The following ZFP91 variants were observed in gnomAD, a reference collection of about 807,000 sequenced individuals.
ZFP91 encodes the protein E3 ubiquitin-protein ligase ZFP91.
ZFP91 carries 7 observed loss-of-function variants against 63.5 expected under a neutral mutation model. That is an observed-to-expected ratio of 0.11 (90% CI 0.06 to 0.21). The LOEUF (loss-of-function observed/expected upper bound fraction) is 0.21. Among genes scored for constraint, ZFP91 ranks in the 10% least tolerant of loss-of-function variants. The pLI, the probability that ZFP91 is intolerant of heterozygous loss-of-function variation, is 1.00. For missense variants in ZFP91, 628 were observed against 736.6 expected (o/e 0.85, Z 1.71); for synonymous variants, 330 against 272.1 (o/e 1.21, Z -2.10).
chr11:58,582,861 A>G (rs1219567517), intron 1 of ZFP91, among the ~76,000 whole-genome samples: 2 of 152,166 alleles, frequency 1.3e-5, no homozygotes, highest in African/African-American at 2.4e-5. Context: ...AAGGGGAAAT[A>G]AAAATTTTTC....
intron 1 of ZFP91, among the ~76,000 whole-genome samples, chr11:58,582,337 G>T (rs1390800884): frequency 6.6e-6 from 1 of 152,090 alleles, no homozygotes; most frequent in Non-Finnish European, 1.5e-5. Context: ...CCCTGGTCTG[G>T]TATCTTTGAC....
At position 58,579,358 on chromosome 11, in the gene ZFP91, C is replaced by A; in HGVS notation, c.77C>A (p.Pro26Gln). The change falls in exon 1 of 11, where the codon CCG becomes CAG. Residue 26 changes from proline to glutamine, a missense_variant. Pro to Gln is a moderately conservative substitution (Grantham distance 76, BLOSUM62 -1). Transcript: ENST00000316059. ...GGGGGAGAGGCGGCCAAGGCGGCTC[C>A]GGAGGAGCCCCAACAACGGCCCCCT... ...QEGGEAAKAA[P>Q]EEPQQRPPEA... 1.3e-6 allele frequency: 2 copies of A among 1,492,588 alleles called. No individual in the cohort carries two copies. Among genetic ancestry groups the A allele is most frequent in the East Asian group, 2.9e-5 (1 of 34,494 alleles). The allele number at this position is 1,492,588 out of a possible 1,614,324, so 92.5% of individuals were successfully genotyped here. A position where few individuals can be genotyped will look rare whatever the true frequency, so the allele number is the denominator to read the frequency against.
At chr11:58,603,565 A>T (rs997776629) in intron 2 of ZFP91, among the ~76,000 whole-genome samples, 1 of 152,228 alleles carries the variant, frequency 6.6e-6, no homozygotes, top group African/African-American at 2.4e-5. Flanking sequence ...CAGCAGAAAC[A>T]CTGCCAGGCT....
intron 2 of ZFP91, among the ~76,000 whole-genome samples, chr11:58,600,888 CTTTT>C (rs1428235581): frequency 6.6e-6 from 1 of 152,114 alleles, no homozygotes; most frequent in African/African-American, 2.4e-5. Flanking sequence ...GGTTCTTTTT[CTTTT>C]TTCTACATCA....
At chr11:58,581,192 A>C (rs905129329) in intron 1 of ZFP91, among the ~76,000 whole-genome samples, 34 of 152,108 alleles carry the variant, frequency 2.2e-4, no homozygotes, top group South Asian at 2.1e-4. Flanking sequence ...GAGGTTTTTC[A>C]TATAAATTAT....
intron 2 of ZFP91, among the ~76,000 whole-genome samples, chr11:58,597,818 A>C (rs77592152): frequency 1.3e-5 from 2 of 152,114 alleles, no homozygotes; most frequent in Admixed American, 1.3e-4. Context: ...ACACACCTCA[A>C]CCTTCTATGC....
At chr11:58,581,133 T>C (rs1855107513) in intron 1 of ZFP91, among the ~76,000 whole-genome samples, 1 of 152,200 alleles carries the variant, frequency 6.6e-6, no homozygotes, top group Non-Finnish European at 1.5e-5. Flanking sequence ...AAGTACAAGT[T>C]GCGTTTTTCA....
At chr11:58,595,606 C>G (rs545661353) in intron 2 of ZFP91, among the ~76,000 whole-genome samples, 4 of 145,006 alleles carry the variant, frequency 2.8e-5, no homozygotes, top group Admixed American at 2.1e-4. Context: ...GAGACGGGGT[C>G]GTACTTTGTT....
intron 9 of ZFP91, among the ~76,000 whole-genome samples, chr11:58,615,130 GTAT>G (rs1336125748): frequency 2.0e-5 from 3 of 152,116 alleles, no homozygotes; most frequent in African/African-American, 7.2e-5. Context: ...CCTTCTCTGT[GTAT>G]TAAGGATACC....
rs1226725977 is a variant in ZFP91 at position 58,579,547 on chromosome 11, C to A, written c.266C>A (p.Pro89His). 1.3e-6 allele frequency: 2 copies of A among 1,582,530 alleles called. No individual in the cohort carries two copies. The highest frequency in any genetic ancestry group is 2.8e-5 in the African/African-American group (2 of 71,236). Residue 89 changes from proline to histidine, a missense_variant, in exon 1 of 11, where the codon CCC becomes CAC. Physicochemically the swap from Pro to His is moderately conservative, Grantham distance 77 (BLOSUM62 -2). Around this residue, in one of 3 missense-constraint regions of ZFP91, gnomAD observed 437 missense variants for 380.3 expected, o/e 1.15. Coordinates refer to ENST00000316059, the MANE Select transcript of ZFP91 (RefSeq NM_053023.5). ...AGGAGCAGCCCCAGCGCCAGGCCTC[C>A]CGACGTCCCCGGGCAGCAGCCCCAG... ...RRRSSPSARPPDVPGQQPQAA... is the reference protein window; with the variant it reads ...RRRSSPSARPHDVPGQQPQAA...
At chr11:58,583,605 C>T (rs565776822) in intron 1 of ZFP91, among the ~76,000 whole-genome samples, 168 of 152,062 alleles carry the variant, frequency 1.1e-3, no homozygotes, top group Non-Finnish European at 2.1e-3. Flanking sequence ...AACATTGAAC[C>T]AACTTTCAAG....
intron 2 of ZFP91, among the ~76,000 whole-genome samples, chr11:58,591,370 T>C (rs555970814): frequency 6.6e-6 from 1 of 152,228 alleles, no homozygotes; most frequent in Non-Finnish European, 1.5e-5. Flanking sequence ...TGTTGATGGA[T>C]GTTTGGGCAG....
At chr11:58,606,098 G>A (rs185727842) in intron 2 of ZFP91, among the ~76,000 whole-genome samples, 120 of 151,892 alleles carry the variant, frequency 7.9e-4, no homozygotes, top group African/African-American at 2.8e-3. Context: ...TTTCACTCTT[G>A]TCGCCTATGC....
At chr11:58,590,962 G>A (rs1052243510) in intron 2 of ZFP91, among the ~76,000 whole-genome samples, 3 of 150,608 alleles carry the variant, frequency 2.0e-5, no homozygotes. Flanking sequence ...CTATTAAAAT[G>A]TACCATACGT....
chr11:58,593,387 T>G (rs1855341694), intron 2 of ZFP91, among the ~76,000 whole-genome samples: 1 of 152,216 alleles, frequency 6.6e-6, no homozygotes, highest in African/African-American at 2.4e-5. Context: ...TGCTCTTTCC[T>G]TTTCTTAAAC....
intron 2 of ZFP91, among the ~76,000 whole-genome samples, chr11:58,608,922 A>G (rs185395019): frequency 2.6e-5 from 4 of 152,104 alleles, no homozygotes; most frequent in East Asian, 1.9e-4. Flanking sequence ...CTATTTTTCT[A>G]TTGGGTTATT....
chr11:58,585,608 G>A (rs201808474), intron 2 of ZFP91, among the ~76,000 whole-genome samples: 1 of 152,150 alleles, frequency 6.6e-6, no homozygotes, highest in East Asian at 1.9e-4. Context: ...CTTGACCCAG[G>A]CTTGACACAG....
At chr11:58,593,311 G>A (rs972382595) in intron 2 of ZFP91, among the ~76,000 whole-genome samples, 14 of 152,218 alleles carry the variant, frequency 9.2e-5, no homozygotes, top group Non-Finnish European at 1.9e-4. Flanking sequence ...TGATGAAACT[G>A]CATGGGTCCC....
intron 5 of ZFP91, chr11:58,611,379 A>G: frequency 1.8e-6 from 1 of 560,478 alleles, no homozygotes; most frequent in Non-Finnish European, 3.0e-6. Flanking sequence ...GTGAAATTTG[A>G]TTTACAGGCA....
Sources: allele counts gnomAD v4.1 joint callset (sites outside exome capture counted in the v4.1 genomes callset), GRCh38; gene constraint gnomAD v4.1.1; regional missense constraint gnomAD v4.1.1; transcripts MANE v1.5; gene names NCBI Gene and HGNC (gene_info 2026-07-23, HGNC 2026-07-21).